OSBPL10: variants seen among roughly 807,000 people sequenced by gnomAD.
The protein encoded by OSBPL10 is oxysterol-binding protein-related protein 10.
Under a neutral mutation model 81.7 loss-of-function variants are expected in OSBPL10, and 49 were observed. The observed-to-expected ratio is 0.60, with a 90% CI of 0.48 to 0.76. The LOEUF is 0.76. OSBPL10 is among the 30% of genes least tolerant of loss of function. The pLI is 0.00. For synonymous variants in OSBPL10, 419 were observed against 383.6 expected (o/e 1.09, Z -1.08); for missense variants, 923 against 987.8 (o/e 0.93, Z 0.88).
In OSBPL10 at chr3:31,758,957, T is replaced by C. The variant is rs760217016; in HGVS notation, c.730-10837A>G. The stretch of plus-strand genomic sequence containing the variant: ...TCACCCTACAGGCTGCGGCCGTTTG[T>C]GAGAAATAAAGCTCTCCTTTCCAAA... On this transcript the variant is annotated intron_variant, in intron 4 of 11. Transcript: ENST00000396556. Among the ~76,000 whole-genome samples the C allele has an allele frequency of 2.1e-3, 314 of 152,306 alleles. 3 individuals are homozygous for C. Among genetic ancestry groups the C allele is most frequent in the Non-Finnish European group, 3.7e-3 (254 of 68,028 alleles).
chr3:31,674,493 G>A (rs13326503), intron 8 of OSBPL10, among the ~76,000 whole-genome samples: 73,865 of 151,942 alleles, frequency 0.49, 20,320 homozygotes, highest in African/African-American at 0.75. Flanking sequence ...CCGGGAGGTC[G>A]AGGCTGCAGT....
At chr3:31,961,716 T>G (rs1442211521) in intron 1 of OSBPL10, among the ~76,000 whole-genome samples, 1 of 152,158 alleles carries the variant, frequency 6.6e-6, no homozygotes, top group Non-Finnish European at 1.5e-5. Flanking sequence ...TCCTCCCATC[T>G]CAGCCTCCTG....
At chr3:31,844,053 T>A (rs888795731) in intron 3 of OSBPL10, among the ~76,000 whole-genome samples, 3 of 152,176 alleles carry the variant, frequency 2.0e-5, no homozygotes, top group Admixed American at 6.5e-5. Flanking sequence ...CATGAGCAAT[T>A]ATGATAAGAT....
intron 1 of OSBPL10, among the ~76,000 whole-genome samples, chr3:31,962,507 C>T (rs1159695045): frequency 6.7e-6 from 1 of 150,088 alleles, no homozygotes; most frequent in Non-Finnish European, 1.5e-5. Context: ...ATATGTTCTA[C>T]ATATTATAAA....
intron 1 of OSBPL10, among the ~76,000 whole-genome samples, chr3:31,965,456 TAA>T (rs1491503086): frequency 0.02 from 1,417 of 69,512 alleles, 53 homozygotes; most frequent in African/African-American, 0.12. Context: ...ATATAATATA[TAA>T]TTTATATAAT....
At chr3:32,018,115 T>C (rs1290889085) in intron 2 of OSBPL10, among the ~76,000 whole-genome samples, 1 of 151,176 alleles carries the variant, frequency 6.6e-6, no homozygotes, top group Non-Finnish European at 1.5e-5. Context: ...GCCATTGCAC[T>C]CCAACCTGGG....
intron 4 of OSBPL10, among the ~76,000 whole-genome samples, chr3:31,817,783 C>A (rs1235487007): frequency 6.6e-6 from 1 of 152,206 alleles, no homozygotes; most frequent in Non-Finnish European, 1.5e-5. Context: ...GGGGCTCCCA[C>A]CAGCTCCATG....
chr3:31,954,429 T>C (rs936843529), intron 1 of OSBPL10, among the ~76,000 whole-genome samples: 3 of 152,192 alleles, frequency 2.0e-5, no homozygotes, highest in African/African-American at 2.4e-5. Context: ...AAGCTAGCCG[T>C]CTCAGCAATA....
chr3:31,842,415 T>A (rs1046934787), intron 3 of OSBPL10, among the ~76,000 whole-genome samples: 2 of 152,212 alleles, frequency 1.3e-5, no homozygotes, highest in Admixed American at 6.5e-5. Context: ...AGAAGTGGCA[T>A]TGGCTAACAG....
At chr3:31,715,586 A>G (rs1016824704) in intron 6 of OSBPL10, among the ~76,000 whole-genome samples, 1 of 152,232 alleles carries the variant, frequency 6.6e-6, no homozygotes, top group Non-Finnish European at 1.5e-5. Flanking sequence ...TTCCTGATGA[A>G]ACACCACAGA....
chr3:31,856,232 A>G (rs1360319396), intron 3 of OSBPL10, among the ~76,000 whole-genome samples: 2 of 152,102 alleles, frequency 1.3e-5, no homozygotes, highest in African/African-American at 4.8e-5. Flanking sequence ...AAGGTATGCA[A>G]AATTGTTGCA....
At chr3:31,714,346 C>T (rs139087268) in intron 6 of OSBPL10, among the ~76,000 whole-genome samples, 1,751 of 152,164 alleles carry the variant, frequency 0.012, 35 homozygotes, top group African/African-American at 0.04. Flanking sequence ...TTCGAGTTCC[C>T]GTATGTGGAA....
intron 10 of OSBPL10, among the ~76,000 whole-genome samples, chr3:31,668,161 T>G (rs541942553): frequency 6.6e-6 from 1 of 151,978 alleles, no homozygotes; most frequent in Admixed American, 6.5e-5. Context: ...GATTCATGAA[T>G]TGAAAGCTAC....
intron 1 of OSBPL10, among the ~76,000 whole-genome samples, chr3:31,929,747 CAAAAA>C (rs11328456): frequency 8.4e-6 from 1 of 119,088 alleles, no homozygotes. Flanking sequence ...GACTCTGTCT[CAAAAA>C]AAAAAAAAAA....
chr3:31,830,935 T>G (rs1274697481), intron 3 of OSBPL10, among the ~76,000 whole-genome samples: 2 of 152,306 alleles, frequency 1.3e-5, no homozygotes, highest in South Asian at 2.1e-4. Flanking sequence ...GCATCTCAAC[T>G]TAGTGGAGAT....
At chr3:31,988,698 T>G (rs556592965) in intron 2 of OSBPL10, 219 of 232,238 alleles carry the variant, frequency 9.4e-4, no homozygotes, top group Non-Finnish European at 5.7e-4. Context: ...ATAAGGATAC[T>G]CAGGCCACCA....
intron 1 of OSBPL10, among the ~76,000 whole-genome samples, chr3:31,918,059 G>C (rs1696807769): frequency 6.6e-6 from 1 of 151,754 alleles, no homozygotes; most frequent in South Asian, 2.1e-4. Context: ...TGAGCTTAAA[G>C]TTCAAGAAAT....
At chr3:31,844,177 T>G (rs1293435959) in intron 3 of OSBPL10, among the ~76,000 whole-genome samples, 2 of 152,234 alleles carry the variant, frequency 1.3e-5, no homozygotes, top group Non-Finnish European at 2.9e-5. Context: ...GATTGTGACT[T>G]AAATCATTAT....
chr3:31,839,704 T>C (rs1700445716), intron 3 of OSBPL10, among the ~76,000 whole-genome samples: 1 of 151,540 alleles, frequency 6.6e-6, no homozygotes, highest in African/African-American at 2.4e-5. Context: ...CTTGGTGTGT[T>C]TGAGCAAGAT....
Sources: gnomAD v4.1 joint callset for allele counts (sites outside exome capture counted in the v4.1 genomes callset) on GRCh38, gnomAD v4.1.1 for gene constraint, MANE v1.5 for transcripts, NCBI Gene and HGNC (gene_info 2026-07-23, HGNC 2026-07-21) for gene names.